The following RDH10 variants were observed in gnomAD, a reference collection of about 807,000 sequenced individuals.
RDH10 encodes the protein retinol dehydrogenase 10 (all-trans).
Under a neutral mutation model 30.2 loss-of-function variants are expected in RDH10, and 12 were observed. That is an observed-to-expected ratio of 0.40 (90% CI 0.25 to 0.64). The LOEUF is 0.64. RDH10 is among the 30% of genes least tolerant of loss of function. The probability of loss-of-function intolerance (pLI) is 0.43; values close to 1 mark genes in which losing one functional copy is unlikely to be tolerated. For missense variants in RDH10, 268 were observed against 445.2 expected, an observed-to-expected ratio of 0.60 and a Z score of 3.58; for synonymous variants, 189 against 172.2, an observed-to-expected ratio of 1.10 and a Z score of -0.76.
intron 2 of RDH10, chr8:73,315,664 G>C (rs1350119606): frequency 4.5e-6 from 2 of 445,174 alleles, no homozygotes; most frequent in Non-Finnish European, 9.1e-6. Context: ...ACCTGCTATG[G>C]TGTCTGAGTT....
chr8:73,299,465 G>A (rs1018283791), intron 2 of RDH10, among the ~76,000 whole-genome samples: 5 of 152,152 alleles, frequency 3.3e-5, no homozygotes, highest in Non-Finnish European at 5.9e-5. Context: ...AGTGGGAGGC[G>A]AAGTGTCATT....
At chr8:73,309,149 G>A (rs1168114720) in intron 2 of RDH10, among the ~76,000 whole-genome samples, 1 of 151,946 alleles carries the variant, frequency 6.6e-6, no homozygotes, top group African/African-American at 2.4e-5. Context: ...GTCAGACCAC[G>A]CACTCTGGGG....
At position 73,297,288 on chromosome 8, in the gene RDH10, G is replaced by A. The variant is rs746811194; in HGVS notation, c.384G>A (p.Thr128=). The A allele has an allele frequency of 1.2e-6, 2 of 1,614,064 alleles. No individual in the cohort carries two copies. The highest frequency in any genetic ancestry group is 3.3e-5 in the Admixed American group (2 of 60,016). ...DVGKRENVYL[T]AERVRKEVGE... is the part of the protein sequence containing the mutation. The stretch of plus-strand genomic sequence containing the variant: ...GGAAGAGGGAGAACGTCTACCTGAC[G>A]GCTGAAAGAGTCCGCAAGGAGGTTG... Residue 128 remains threonine, a synonymous_variant, in exon 2 of 6, where the codon ACG becomes ACA. Coordinates refer to ENST00000240285, the MANE Select transcript of RDH10 (RefSeq NM_172037.5).
At position 73,324,882 on chromosome 8, in the gene RDH10, A is replaced by G. The variant is rs145228386; in HGVS notation, c.*1846A>G. The G allele has an allele frequency of 3.3e-5, 5 of 152,326 alleles. No homozygotes were observed. Among genetic ancestry groups the G allele is most frequent in the East Asian group, 1.9e-4 (1 of 5,188 alleles). The allele number at this position is 152,326 out of a possible 1,614,324, so 9.4% of individuals were successfully genotyped here. ...GTCCTGGTGTGTGCTAATGTTCCCA[A>G]TGCAGGACTTGAGGAAGAGCTCTGT... is the stretch of plus-strand genomic sequence containing the variant. On this transcript the variant is annotated 3_prime_UTR_variant, in exon 6 of 6. Transcript: ENST00000240285.
At chr8:73,318,358 G>A (rs1299886622) in intron 2 of RDH10, among the ~76,000 whole-genome samples, 1 of 152,164 alleles carries the variant, frequency 6.6e-6, no homozygotes, top group East Asian at 1.9e-4. Context: ...GGGTCCCCCA[G>A]CCTGGAACTT....
intron 4 of RDH10, chr8:73,321,991 T>A (rs1037410775): frequency 4.4e-6 from 2 of 456,284 alleles, no homozygotes; most frequent in Non-Finnish European, 8.8e-6. Flanking sequence ...TTGTTTTGTT[T>A]TGTTTTCCTC....
chr8:73,297,021 G>A, intron 1 of RDH10, 173 bp from the exon 2 acceptor site: 3 of 597,078 alleles, frequency 5.0e-6, no homozygotes, highest in East Asian at 2.8e-5. Context: ...CTTCATGGGA[G>A]GAAGGCAGCT....
chr8:73,321,641 G>T lies in RDH10; in HGVS notation c.770+564G>T, dbSNP rs545952940. Reference sequence around the variant, plus strand: ...AAATACCCACACACATAGAAAGGAGGTATATGGGAATATAAATGTCAAGTT... The same window carrying T: ...AAATACCCACACACATAGAAAGGAGTTATATGGGAATATAAATGTCAAGTT... On this transcript the variant is annotated intron_variant, in intron 4 of 5. Transcript: ENST00000240285. The T allele has an allele frequency of 1.8e-4, 66 of 366,424 alleles. No individual in the cohort carries two copies. The Admixed American group carries it at 2.3e-3, about 13-fold the overall frequency. 22.7% of individuals were successfully genotyped at this position (366,424 alleles called of 1,614,324 possible).
At chr8:73,301,301 C>T (rs1480117604) in intron 2 of RDH10, among the ~76,000 whole-genome samples, 6 of 150,736 alleles carry the variant, frequency 4.0e-5, no homozygotes, top group Admixed American at 1.3e-4. Flanking sequence ...CCGCCCGCCT[C>T]GGCCTCCCAA....
In RDH10 at chr8:73,322,911, A is replaced by G; in HGVS notation, c.903-2A>G. The G allele has an allele frequency of 6.2e-7, 1 of 1,614,086 alleles. No individual in the cohort carries two copies. The highest frequency in any genetic ancestry group is 8.5e-7 in the Non-Finnish European group (1 of 1,179,962). On this transcript the variant is annotated splice_acceptor_variant, in intron 5 of 5. Transcript: ENST00000240285. LOFTEE classifies it high-confidence loss of function. The stretch of plus-strand genomic sequence containing the variant: ...CTAACAGCTGTGACTTCCCTTTTTC[A>G]GCATCCTACCATTTGAAGCAGTTGT...
At chr8:73,311,395 G>A (rs1814561760) in intron 2 of RDH10, 1 of 152,220 alleles carries the variant, frequency 6.6e-6, no homozygotes, top group Non-Finnish European at 1.5e-5. Context: ...TATCTGAGTT[G>A]CTGCCTTGAG....
intron 2 of RDH10, among the ~76,000 whole-genome samples, chr8:73,301,067 T>C (rs962844693): frequency 3.5e-3 from 341 of 98,308 alleles, no homozygotes; most frequent in African/African-American, 0.01. Context: ...TTTTTTTTTT[T>C]TGAGACGGAG....
At chr8:73,301,345 C>T (rs974233226) in intron 2 of RDH10, among the ~76,000 whole-genome samples, 7 of 151,480 alleles carry the variant, frequency 4.6e-5, no homozygotes, top group African/African-American at 1.5e-4. Flanking sequence ...CCACCGCGCC[C>T]GGCCAAAACT....
chr8:73,320,343 T>C (rs1363469312), intron 3 of RDH10, among the ~76,000 whole-genome samples: 1 of 152,334 alleles, frequency 6.6e-6, no homozygotes, highest in African/African-American at 2.4e-5. Flanking sequence ...CAAAGTAATA[T>C]GATACTTAGT....
chr8:73,312,003 T>TTG (rs1457293580), intron 2 of RDH10: 1 of 144,318 alleles, frequency 6.9e-6, no homozygotes, highest in Non-Finnish European at 1.6e-5. Flanking sequence ...GTAATGAAGA[T>TTG]TTTTTTTTCA....
At chr8:73,310,366 C>T (rs1048691576) in intron 2 of RDH10, among the ~76,000 whole-genome samples, 3 of 152,114 alleles carry the variant, frequency 2.0e-5, no homozygotes, top group African/African-American at 7.2e-5. Context: ...TTAAAGATTT[C>T]ACAGTAAGCA....
At chr8:73,297,117 C>T in intron 1 of RDH10, 77 bp from the exon 2 acceptor site, 2 of 826,184 alleles carry the variant, frequency 2.4e-6, no homozygotes, top group Non-Finnish European at 4.2e-6. Flanking sequence ...CTTTGTCCTA[C>T]TGATCGCCAT....
In RDH10 at chr8:73,295,288, C is replaced by T. The variant is rs1186566232; in HGVS notation, c.-2C>T. The T allele has an allele frequency of 1.9e-5, 30 of 1,557,098 alleles. No homozygotes were observed. Among genetic ancestry groups the T allele is most frequent in the Non-Finnish European group, 2.5e-5 (29 of 1,154,550 alleles). On this transcript the variant is annotated 5_prime_UTR_variant, in exon 1 of 6. Coordinates refer to ENST00000240285, the MANE Select transcript of RDH10 (RefSeq NM_172037.5). The stretch of plus-strand genomic sequence containing the variant: ...GGCTCGTGCGGGGCCCCGGGCGTCG[C>T]GATGAACATCGTGGTGGAGTTCTTC...
At position 73,297,122 on chromosome 8, in the gene RDH10, C is replaced by G. The variant is rs576783761; in HGVS notation, c.290-72C>G. On this transcript the variant is annotated intron_variant, in intron 1 of 5. Transcript: ENST00000240285. ...TTTGTGTGATCTTTGTCCTACTGAT[C>G]GCCATGTGACTCACTTTCTGCACTT... The G allele has an allele frequency of 1.3e-3, 1,089 of 849,692 alleles. 2 individuals are homozygous for G. Among genetic ancestry groups the G allele is most frequent in the Non-Finnish European group, 1.9e-3 (931 of 497,926 alleles). 52.6% of individuals were successfully genotyped at this position (849,692 alleles called of 1,614,324 possible). A position where few individuals can be genotyped will look rare whatever the true frequency, so the allele number is the denominator to read the frequency against.
Sources: gnomAD v4.1 joint callset for allele counts (sites outside exome capture counted in the v4.1 genomes callset) on GRCh38, gnomAD v4.1.1 for gene constraint, MANE v1.5 for transcripts, NCBI Gene and HGNC (gene_info 2026-07-23, HGNC 2026-07-21) for gene names.